The following DENND10 variants were observed in gnomAD, a reference collection of about 807,000 sequenced individuals.
DENND10 encodes the protein DENN domain containing 10.
In DENND10, 24 loss-of-function variants were observed where a neutral mutation model predicts 43.6. That is an observed-to-expected ratio of 0.55 (90% CI 0.40 to 0.77). The LOEUF (loss-of-function observed/expected upper bound fraction) is 0.77, where lower values mean the gene tolerates loss of function less well. Among genes scored for constraint, DENND10 ranks in the 30% least tolerant of loss-of-function variants. The pLI, the probability that DENND10 is intolerant of heterozygous loss-of-function variation, is 0.00. For synonymous variants in DENND10, 125 were observed against 157.6 expected (o/e 0.79, Z 1.55); for missense variants, 303 against 429.9 (o/e 0.70, Z 2.61).
At chr10:119,124,514 C>T (rs11198787) in intron 6 of DENND10, among the ~76,000 whole-genome samples, 94,386 of 151,570 alleles carry the variant, frequency 0.62, 29,789 homozygotes, top group Middle Eastern at 0.7. Flanking sequence ...GCACTCCAGC[C>T]AGGGCGACAG....
intron 7 of DENND10, 53 bp downstream of exon 7, chr10:119,129,675 T>C: frequency 7.7e-7 from 1 of 1,305,190 alleles, no homozygotes; most frequent in South Asian, 1.2e-5. Flanking sequence ...CAGTTGTACA[T>C]TTTTAGGCTG....
At chr10:119,119,615 G>A (rs1845464511) in intron 4 of DENND10, among the ~76,000 whole-genome samples, 1 of 149,990 alleles carries the variant, frequency 6.7e-6, no homozygotes, top group Non-Finnish European at 1.5e-5. Context: ...CAGTCTCCCT[G>A]TGTTGCCCAG....
chr10:119,121,432 C>T (rs1051191725), intron 5 of DENND10, among the ~76,000 whole-genome samples: 1 of 148,144 alleles, frequency 6.8e-6, no homozygotes, highest in Non-Finnish European at 1.5e-5. Context: ...CCACCACACC[C>T]AGCCATTAGG....
chr10:119,112,206 C>T (rs1375122207), intron 3 of DENND10, among the ~76,000 whole-genome samples: 1 of 152,164 alleles, frequency 6.6e-6, no homozygotes, highest in Non-Finnish European at 1.5e-5. Flanking sequence ...TCTGTTACTT[C>T]TGTTCACTTC....
Position 119,125,286 on chromosome 10 carries a change from C to A in DENND10, c.694+1717C>A, listed in dbSNP as rs747575915. 2.6e-5 allele frequency among the ~76,000 whole-genome samples: 4 copies of A among 151,482 alleles called. No homozygotes were observed. In the South Asian group the frequency reaches 6.2e-4, roughly 24 times the overall value. On this transcript the variant is annotated intron_variant, in intron 6 of 8. Transcript: ENST00000361432. ...TGTGCCTGGCCGAACTTGTAAAGTT[C>A]TAGTCTTAAAAGTTTATCAGTGACT...
At chr10:119,130,813 C>A (rs1242986443) in intron 7 of DENND10, among the ~76,000 whole-genome samples, 1 of 152,166 alleles carries the variant, frequency 6.6e-6, no homozygotes, top group Non-Finnish European at 1.5e-5. Context: ...AGTGTTCTTA[C>A]AATATGACAG....
At chr10:119,127,941 A>T (rs1027240378) in intron 6 of DENND10, among the ~76,000 whole-genome samples, 1 of 151,982 alleles carries the variant, frequency 6.6e-6, no homozygotes, top group Non-Finnish European at 1.5e-5. Flanking sequence ...TTATTTTTTA[A>T]CTGTCCTTGC....
In DENND10 at chr10:119,132,442, C is replaced by G. The variant is rs1846128182; in HGVS notation, c.803-73C>G. On this transcript the variant is annotated intron_variant, in intron 7 of 8. Transcript: ENST00000361432. This position sits in a 1 kb window ranked among gnomAD's most constrained non-coding sequence, Gnocchi z 4.2. ...TTGAAAATTCCCTCAGTGTGGTCTTCCAAGTTTTCAGATAGATGGCATGAT... is the reference window on the plus strand; with the variant it reads ...TTGAAAATTCCCTCAGTGTGGTCTTGCAAGTTTTCAGATAGATGGCATGAT... 3 of 1,311,498 alleles carry G rather than the reference C, an allele frequency of 2.3e-6. No individual in the cohort carries two copies. The East Asian group carries it at 6.9e-5, about 30-fold the overall frequency. The allele number at this position is 1,311,498 out of a possible 1,614,324, so 81.2% of individuals were successfully genotyped here.
rs183535005 is a variant in DENND10 at position 119,125,867 on chromosome 10, C to A, written c.694+2298C>A. On this transcript the variant is annotated intron_variant, in intron 6 of 8. Transcript: ENST00000361432. ...AATAAACTATCATTCACTGTAGTCA[C>A]CCTATTGTGCTATCAAATACTAGGT... 4.2e-3 allele frequency among the ~76,000 whole-genome samples: 634 copies of A among 152,170 alleles called. 2 individuals are homozygous for A. The highest frequency in any genetic ancestry group is 0.015 in the African/African-American group (617 of 41,514).
chr10:119,117,014 G>A (rs1228429862), intron 3 of DENND10, among the ~76,000 whole-genome samples: 1 of 152,028 alleles, frequency 6.6e-6, no homozygotes, highest in Non-Finnish European at 1.5e-5. Context: ...AATTTAGAGA[G>A]AAATGATGCT....
At chr10:119,124,678 A>G (rs911251843) in intron 6 of DENND10, among the ~76,000 whole-genome samples, 2 of 152,074 alleles carry the variant, frequency 1.3e-5, no homozygotes, top group East Asian at 1.9e-4. Flanking sequence ...GCTGCTACGC[A>G]CAGCTACATT....
intron 4 of DENND10, among the ~76,000 whole-genome samples, chr10:119,119,886 G>T (rs1845476628): frequency 6.6e-6 from 1 of 152,062 alleles, no homozygotes; most frequent in African/African-American, 2.4e-5. Flanking sequence ...ACATAGGATA[G>T]ATCTACTCTT....
Position 119,129,500 on chromosome 10 carries a change from A to C in DENND10, c.695-15A>C. The C allele has an allele frequency of 6.3e-7, 1 of 1,583,130 alleles. No homozygotes were observed. The highest frequency in any genetic ancestry group is 8.7e-7 in the Non-Finnish European group (1 of 1,151,780). ...TCTTCCTACTCCAGTAAGGTTGCTC[A>C]TGTTTGTGATGCAGGTTACGTCGCT... is the stretch of plus-strand genomic sequence containing the variant. On this transcript the variant is annotated splice_polypyrimidine_tract_variant and intron_variant, in intron 6 of 8. Transcript: ENST00000361432.
At chr10:119,116,491 G>A (rs1845280271) in intron 3 of DENND10, among the ~76,000 whole-genome samples, 1 of 152,132 alleles carries the variant, frequency 6.6e-6, no homozygotes, top group Admixed American at 6.6e-5. Context: ...AACCCCAGTT[G>A]TGAATGTAAG....
chr10:119,136,352 C>A, intron 8 of DENND10, 119 bp from the exon 9 acceptor site: 1 of 1,218,792 alleles, frequency 8.2e-7, no homozygotes, highest in African/African-American at 1.5e-5. Flanking sequence ...TGAGCCACCA[C>A]GCCAAGCTCA....
chr10:119,121,452 T>C (rs1445667661), intron 5 of DENND10, among the ~76,000 whole-genome samples: 14 of 147,410 alleles, frequency 9.5e-5, no homozygotes, highest in African/African-American at 3.5e-4. Context: ...GTCCTTTTTT[T>C]TTTTTTTTTT....
chr10:119,110,074 A>C (rs1344208546), intron 2 of DENND10, among the ~76,000 whole-genome samples: 2 of 152,018 alleles, frequency 1.3e-5, no homozygotes, highest in African/African-American at 4.8e-5. Context: ...TTTCTCCTAA[A>C]GTTCTGGGAT....
intron 3 of DENND10, 140 bp from the exon 4 acceptor site, chr10:119,117,379 A>C (rs983771230): frequency 4.1e-5 from 35 of 860,942 alleles, no homozygotes; most frequent in Non-Finnish European, 5.7e-5. Flanking sequence ...CTCAAAAAAA[A>C]CAGAAGAGTG....
At chr10:119,119,145 C>G (rs977067420) in intron 4 of DENND10, among the ~76,000 whole-genome samples, 34 of 152,154 alleles carry the variant, frequency 2.2e-4, no homozygotes, top group African/African-American at 7.2e-4. Flanking sequence ...GCTGGGATTA[C>G]AGGCATGTGC....
Sources: allele counts gnomAD v4.1 joint callset (sites outside exome capture counted in the v4.1 genomes callset), GRCh38; gene constraint gnomAD v4.1.1; non-coding constraint Gnocchi (gnomAD v3.1); transcripts MANE v1.5; gene names NCBI Gene and HGNC (gene_info 2026-07-23, HGNC 2026-07-21).